Variants in HELZ observed in about 807,000 individuals in gnomAD.
HELZ encodes ATP-dependent RNA helicase with zinc finger domain.
In HELZ, 23 loss-of-function variants were observed where a neutral mutation model predicts 218.2. The ratio of observed to expected loss-of-function variants is 0.11; its 90% confidence interval spans 0.08 to 0.15. HELZ has a LOEUF of 0.15. HELZ is among the 10% of genes least tolerant of loss of function. The pLI, the probability that HELZ is intolerant of heterozygous loss-of-function variation, is 1.00. For synonymous variants in HELZ, 814 were observed against 829.4 expected (o/e 0.98, Z 0.32); for missense variants, 1,813 against 2,353.7 (o/e 0.77, Z 4.75).
At position 67,108,017 on chromosome 17, in the gene HELZ, T is replaced by C. The variant is rs954485858; in HGVS notation, c.4725-332A>G. 6.6e-6 allele frequency among the ~76,000 whole-genome samples: 1 copy of C among 152,218 alleles called. No homozygotes were observed. Among genetic ancestry groups the C allele is most frequent in the African/African-American group, 2.4e-5 (1 of 41,456 alleles). On this transcript the variant is annotated intron_variant, in intron 30 of 32. Coordinates refer to ENST00000358691, the MANE Select transcript of HELZ (RefSeq NM_014877.4). This position sits in a 1 kb window ranked among gnomAD's most constrained non-coding sequence, Gnocchi z 4.1. ...ATTAGGAAACACTTCAGAGCATTCA[T>C]GTGACACTGGCCACAAAAACAAGCT...
intron 25 of HELZ, 103 bp downstream of exon 25, chr17:67,123,860 A>C (rs1031827699): frequency 1.3e-6 from 1 of 782,534 alleles, no homozygotes; most frequent in African/African-American, 1.8e-5. Flanking sequence ...AGAGAAAGAG[A>C]GAGAGAAACC....
chr17:67,206,598 C>CTTTTT (rs60076524), intron 5 of HELZ, among the ~76,000 whole-genome samples: 1 of 137,840 alleles, frequency 7.3e-6, no homozygotes, highest in African/African-American at 2.7e-5. Context: ...CATATTAGGA[C>CTTTTT]TTTTTTTTTT....
intron 12 of HELZ, among the ~76,000 whole-genome samples, chr17:67,183,108 C>T (rs779851270): frequency 2.0e-5 from 3 of 152,218 alleles, no homozygotes; most frequent in Non-Finnish European, 4.4e-5. Context: ...ATACCACACT[C>T]TTCCTTAGAA....
chr17:67,221,608 G>A (rs75917830), intron 3 of HELZ, among the ~76,000 whole-genome samples: 7,651 of 152,216 alleles, frequency 0.05, 662 homozygotes, highest in African/African-American at 0.18. Flanking sequence ...TGCATAGCCT[G>A]GGGCAAGTGG....
At chr17:67,130,196 G>C (rs2037934183) in intron 23 of HELZ, among the ~76,000 whole-genome samples, 1 of 152,056 alleles carries the variant, frequency 6.6e-6, no homozygotes, top group Non-Finnish European at 1.5e-5. Flanking sequence ...GGGTGGGAGA[G>C]GGGTAAGGAA....
chr17:67,224,814 G>A lies in HELZ; in HGVS notation c.-18-5992C>T. ...ACAAAACGACACAGTACAAGGGCAA[G>A]GATTCTCTGTATGCCCAGGGAAAGC... On this transcript the variant is annotated intron_variant, in intron 3 of 32. Transcript: ENST00000358691. The A allele has an allele frequency of 2.7e-6, 3 of 1,112,108 alleles. No homozygotes were observed. In the Admixed American group the frequency reaches 5.2e-5, roughly 19 times the overall value. The allele number at this position is 1,112,108 out of a possible 1,614,324, so 68.9% of individuals were successfully genotyped here.
Position 67,108,290 on chromosome 17 carries a change from G to C in HELZ, c.4724+202C>G. Reference sequence around the variant, plus strand: ...TTCCAACCCATAGTAGATCATCCATGCCTAAATTTGTAGAAGAGTTACTTC... The same window carrying C: ...TTCCAACCCATAGTAGATCATCCATCCCTAAATTTGTAGAAGAGTTACTTC... On this transcript the variant is annotated intron_variant, in intron 30 of 32. Coordinates refer to ENST00000358691, the MANE Select transcript of HELZ (RefSeq NM_014877.4). The surrounding 1 kb of genome is among the most constrained non-coding windows in gnomAD (Gnocchi z 4.1). 1.8e-6 allele frequency: 1 copy of C among 545,640 alleles called. No homozygotes were observed. The highest frequency in any genetic ancestry group is 2.4e-5 in the South Asian group (1 of 41,908). The allele number at this position is 545,640 out of a possible 1,614,324, so 33.8% of individuals were successfully genotyped here.
intron 3 of HELZ, among the ~76,000 whole-genome samples, chr17:67,221,977 A>C (rs1739628846): frequency 6.6e-6 from 1 of 151,914 alleles, no homozygotes; most frequent in African/African-American, 2.4e-5. Context: ...AGCTGGGACT[A>C]CAAGTGCATG....
intron 5 of HELZ, among the ~76,000 whole-genome samples, chr17:67,213,358 T>C (rs545601667): frequency 3.8e-4 from 58 of 152,284 alleles, no homozygotes; most frequent in Non-Finnish European, 5.9e-5. Flanking sequence ...GCGCAGTGGC[T>C]CACGTCTGTA....
intron 3 of HELZ, among the ~76,000 whole-genome samples, chr17:67,238,349 CAAA>C (rs71368808): frequency 4.3e-5 from 2 of 46,954 alleles, no homozygotes; most frequent in African/African-American, 8.0e-5. Context: ...CTCTGTCTCT[CAAA>C]AAAAAAAAAA....
chr17:67,100,790 A>G (rs946459998), intron 31 of HELZ, among the ~76,000 whole-genome samples: 5 of 152,016 alleles, frequency 3.3e-5, no homozygotes, highest in Admixed American at 1.3e-4. Context: ...TTCAAAAAAT[A>G]AGAGAGAGAG....
At chr17:67,244,358 G>A (rs1447526975) in intron 1 of HELZ, among the ~76,000 whole-genome samples, 1 of 152,182 alleles carries the variant, frequency 6.6e-6, no homozygotes, top group East Asian at 1.9e-4. Flanking sequence ...AACAATCAGA[G>A]GACCCTGGCT....
At chr17:67,153,113 G>C (rs1598331317) in intron 17 of HELZ, among the ~76,000 whole-genome samples, 2 of 152,164 alleles carry the variant, frequency 1.3e-5, no homozygotes, top group Admixed American at 6.5e-5. Context: ...TAGTGCCAGG[G>C]AGTATATATA....
intron 17 of HELZ, among the ~76,000 whole-genome samples, chr17:67,152,007 A>C (rs1180462009): frequency 1.3e-5 from 2 of 152,206 alleles, no homozygotes; most frequent in African/African-American, 4.8e-5. Context: ...GAGTTTGATG[A>C]AAAGCCAACA....
At position 67,078,239 on chromosome 17, in the gene HELZ, A is replaced by G; in HGVS notation, c.*13T>C. ...AAATTAAAACATTCTCCCTTGAGGG[A>G]AAAAAAAAGTGATTATTTAAAATAT... On this transcript the variant is annotated 3_prime_UTR_variant, in exon 33 of 33. Coordinates refer to ENST00000358691, the MANE Select transcript of HELZ (RefSeq NM_014877.4). The G allele has an allele frequency of 2.0e-6, 3 of 1,474,370 alleles. No homozygotes were observed. The highest frequency in any genetic ancestry group is 2.8e-6 in the Non-Finnish European group (3 of 1,089,304). The allele number at this position is 1,474,370 out of a possible 1,614,324, so 91.3% of individuals were successfully genotyped here. A position where few individuals can be genotyped will look rare whatever the true frequency, so the allele number is the denominator to read the frequency against.
chr17:67,081,168 T>G (rs2036177487), intron 32 of HELZ, among the ~76,000 whole-genome samples: 1 of 152,180 alleles, frequency 6.6e-6, no homozygotes, highest in Non-Finnish European at 1.5e-5. Context: ...CAGAGGACAG[T>G]GGGACACAGT....
intron 31 of HELZ, among the ~76,000 whole-genome samples, chr17:67,091,998 A>G (rs2036587808): frequency 6.6e-6 from 1 of 152,232 alleles, no homozygotes; most frequent in Admixed American, 6.5e-5. Flanking sequence ...GACTATCACT[A>G]TAAGACTAAA....
intron 3 of HELZ, among the ~76,000 whole-genome samples, chr17:67,222,918 C>T (rs953711502): frequency 2.8e-4 from 43 of 152,148 alleles, no homozygotes; most frequent in Admixed American, 2.7e-3. Context: ...TGTGATCCTG[C>T]TACCTGAACG....
At chr17:67,125,459 G>C (rs1215622568) in intron 24 of HELZ, among the ~76,000 whole-genome samples, 2 of 150,754 alleles carry the variant, frequency 1.3e-5, no homozygotes, top group Non-Finnish European at 3.0e-5. Flanking sequence ...GAAGAGACAA[G>C]ATCAGCCAGT....
Sources: allele counts gnomAD v4.1 joint callset (sites outside exome capture counted in the v4.1 genomes callset), GRCh38; gene constraint gnomAD v4.1.1; non-coding constraint Gnocchi (gnomAD v3.1); transcripts MANE v1.5; gene names NCBI Gene and HGNC (gene_info 2026-07-23, HGNC 2026-07-21).